Variants in NLRP7 observed in about 807,000 individuals in gnomAD.
NLRP7 encodes NACHT, LRR and PYD domains-containing protein 7.
A neutral mutation model predicts 85.5 loss-of-function variants in NLRP7; 72 were observed. The ratio of observed to expected loss-of-function variants is 0.84; its 90% CI spans 0.70 to 1.02. The LOEUF (loss-of-function observed/expected upper bound fraction) is 1.02. Ranked by LOEUF, NLRP7 falls within the 50% of genes least tolerant of loss-of-function variation. The pLI, the probability that NLRP7 is intolerant of heterozygous loss-of-function variation, is 0.00. For synonymous variants in NLRP7, 550 were observed against 505.2 expected, an observed-to-expected ratio of 1.09 and a Z score of -1.19; for missense variants, 1,243 against 1,219.5, an observed-to-expected ratio of 1.02 and a Z score of -0.29.
chr19:54,942,054 C>G (rs180732284), intron 1 of NLRP7, among the ~76,000 whole-genome samples: 61 of 151,198 alleles, frequency 4.0e-4, no homozygotes, highest in African/African-American at 1.5e-3. Context: ...GAGATCGAGA[C>G]CATCCTGGCT....
At chr19:54,943,474 G>A (rs544083248) in intron 1 of NLRP7, among the ~76,000 whole-genome samples, 44 of 151,402 alleles carry the variant, frequency 2.9e-4, no homozygotes, top group East Asian at 1.4e-3. Flanking sequence ...GGTGGCGGGC[G>A]CCTGTAGTCC....
chr19:54,931,844 T>TA (rs10647956), intron 8 of NLRP7, among the ~76,000 whole-genome samples: 3,581 of 108,318 alleles, frequency 0.033, 74 homozygotes, highest in African/African-American at 0.083. Context: ...GAGAGACTGT[T>TA]AAAAAAAAAA....
At chr19:54,952,731 G>C (rs1174148804) in intron 1 of NLRP7, among the ~76,000 whole-genome samples, 1 of 152,174 alleles carries the variant, frequency 6.6e-6, no homozygotes, top group East Asian at 1.9e-4. Flanking sequence ...GACTCACAGC[G>C]TGCATTGGGC....
intron 1 of NLRP7, among the ~76,000 whole-genome samples, chr19:54,959,390 G>A (rs1445417468): frequency 6.6e-6 from 1 of 151,014 alleles, no homozygotes; most frequent in Non-Finnish European, 1.5e-5. Flanking sequence ...ACCCGCCTTG[G>A]CCTCCCAAAG....
chr19:54,933,738 A>G (rs1338565553), exon 8 of NLRP7: 7 of 1,613,876 alleles, frequency 4.3e-6, no homozygotes, highest in Non-Finnish European at 5.9e-6. Context: ...CAGTTTTCCA[A>G]CCTGCAAAAA....
upstream of NLRP7, among the ~76,000 whole-genome samples, chr19:54,952,446 T>C (rs2069699802): frequency 6.6e-6 from 1 of 151,598 alleles, no homozygotes; most frequent in Non-Finnish European, 1.5e-5. Context: ...CACAAAAAAT[T>C]AGTCGGGCGT....
chr19:54,952,857 A>G (rs546151034), intron 1 of NLRP7, among the ~76,000 whole-genome samples: 22 of 152,120 alleles, frequency 1.4e-4, no homozygotes, highest in East Asian at 1.2e-3. Flanking sequence ...GCATTCTCCA[A>G]AAAAAACAAA....
intron 1 of NLRP7, among the ~76,000 whole-genome samples, chr19:54,955,609 C>T (rs1337582362): frequency 3.3e-5 from 5 of 151,970 alleles, no homozygotes; most frequent in African/African-American, 9.7e-5. Context: ...ACTAACATGG[C>T]GAAACCCCAT....
Position 54,940,201 on chromosome 19 carries a change from G to C in NLRP7, c.618C>G (p.Tyr206Ter), listed in dbSNP as rs202205894. Reference sequence around the variant, plus strand: ...GCTCCTTGCAGCTGAGGTAGAACGCGTATCTGAGCGTCGGGCTGAGGTTGC... The same window carrying C: ...GCTCCTTGCAGCTGAGGTAGAACGCCTATCTGAGCGTCGGGCTGAGGTTGC... Residue 206 changes from tyrosine (Y) to a stop codon, truncating the protein, a stop_gained, in exon 4 of 10, where the codon TAC becomes TAG. Coordinates refer to ENST00000340844, the Ensembl canonical transcript of NLRP7. LOFTEE classifies it high-confidence loss of function. 1 of 1,614,194 alleles carries C rather than the reference G, an allele frequency of 6.2e-7. No individual in the cohort carries two copies. Among genetic ancestry groups the C allele is most frequent in the Non-Finnish European group, 8.5e-7 (1 of 1,180,032 alleles).
At chr19:54,929,438 G>A (rs185748793) in intron 9 of NLRP7, among the ~76,000 whole-genome samples, 25 of 152,110 alleles carry the variant, frequency 1.6e-4, no homozygotes, top group Non-Finnish European at 2.1e-4. Flanking sequence ...TAGTAATGAC[G>A]TGCAGATTCT....
intron 8 of NLRP7, among the ~76,000 whole-genome samples, chr19:54,931,951 T>C (rs1330799257): frequency 6.6e-6 from 1 of 152,152 alleles, no homozygotes; most frequent in African/African-American, 2.4e-5. Context: ...GGACAGGATC[T>C]GAGCCCTGGG....
At chr19:54,929,815 A>G (rs12104320) in intron 9 of NLRP7, among the ~76,000 whole-genome samples, 3,667 of 152,208 alleles carry the variant, frequency 0.024, 163 homozygotes, top group African/African-American at 0.083. Context: ...AGTCTGAGAT[A>G]TTGAAAACAT....
upstream of NLRP7, among the ~76,000 whole-genome samples, chr19:54,950,187 C>T (rs1393785141): frequency 6.6e-6 from 1 of 152,060 alleles, no homozygotes; most frequent in Non-Finnish European, 1.5e-5. Flanking sequence ...GTGGTGCACC[C>T]CAGGTCCACA....
Position 54,939,068 on chromosome 19 carries a change from G to A in NLRP7, c.1751C>T (p.Ala584Val), listed in dbSNP as rs759837769. Reference sequence around the variant, plus strand: ...CTTGAACGGGGCCACCACCACCTTCGCCAGCTCCTCCTCCTGAGACTCATA... The same window carrying A: ...CTTGAACGGGGCCACCACCACCTTCACCAGCTCCTCCTCCTGAGACTCATA... The change falls in exon 4 of 10, where the codon GCG becomes GTG. Residue 584 changes from alanine to valine, a missense_variant. Physicochemically the swap from Ala to Val is moderately conservative, Grantham distance 64 (BLOSUM62 0). Around this residue, in one of 3 missense-constraint regions of NLRP7, gnomAD observed 613 missense variants for 588.4 expected, o/e 1.04. Coordinates refer to ENST00000340844, the Ensembl canonical transcript of NLRP7. 9.3e-6 allele frequency: 15 copies of A among 1,614,012 alleles called. No individual in the cohort carries two copies. Among genetic ancestry groups the A allele is most frequent in the East Asian group, 2.2e-5 (1 of 44,892 alleles).
intron 1 of NLRP7, among the ~76,000 whole-genome samples, chr19:54,956,663 C>T (rs940519196): frequency 6.7e-6 from 1 of 150,162 alleles, no homozygotes; most frequent in Non-Finnish European, 1.5e-5. Context: ...CTTTGCACTC[C>T]AGCCTGGGAG....
At chr19:54,957,747 G>T (rs1231327072) in intron 1 of NLRP7, among the ~76,000 whole-genome samples, 1 of 152,118 alleles carries the variant, frequency 6.6e-6, no homozygotes, top group Non-Finnish European at 1.5e-5. Context: ...ATACATAATT[G>T]AATCTGGTTT....
intron 9 of NLRP7, among the ~76,000 whole-genome samples, chr19:54,929,319 C>G (rs557791461): frequency 1.1e-4 from 17 of 151,990 alleles, no homozygotes; most frequent in Non-Finnish European, 2.1e-4. Context: ...GAGCCAAGAT[C>G]GCACCACTGC....
chr19:54,929,355 ACT>A (rs968324348), intron 9 of NLRP7, among the ~76,000 whole-genome samples: 9 of 151,628 alleles, frequency 5.9e-5, no homozygotes, highest in South Asian at 2.1e-4. Context: ...ACAAAGCGAG[ACT>A]CTGTCTGAAA....
At position 54,934,657 on chromosome 19, in the gene NLRP7, A is replaced by C; in HGVS notation, c.2303T>G (p.Leu768Trp). ...CTCCGGGGTGGCACAGTGACCTCCC[A>C]ACCTGTGAAAAGAGTGGGAAAAGTC... Residue 768 changes from leucine (L) to tryptophan (W), a missense_variant and splice_region_variant, in exon 7 of 10, where the codon TTG becomes TGG. Physicochemically the swap from Leu to Trp is moderately conservative, Grantham distance 61 (BLOSUM62 -2). Coordinates refer to ENST00000340844, the Ensembl canonical transcript of NLRP7. This position sits in a 1 kb window ranked among gnomAD's most constrained non-coding sequence, Gnocchi z 6.7. The C allele has an allele frequency of 2.5e-6, 4 of 1,612,540 alleles. No homozygotes were observed. The highest frequency in any genetic ancestry group is 3.4e-6 in the Non-Finnish European group (4 of 1,179,392).
Sources: allele counts gnomAD v4.1 joint callset (sites outside exome capture counted in the v4.1 genomes callset), GRCh38; gene constraint gnomAD v4.1.1; regional missense constraint gnomAD v4.1.1; non-coding constraint Gnocchi (gnomAD v3.1); transcripts MANE v1.5; gene names NCBI Gene and HGNC (gene_info 2026-07-23, HGNC 2026-07-21).